The following CORO6 variants were observed in gnomAD, a reference collection of about 807,000 sequenced individuals.
CORO6 encodes the protein coronin 6.
CORO6 carries 43 observed loss-of-function variants against 49.0 expected under a neutral mutation model. The ratio of observed to expected loss-of-function variants is 0.88; its 90% CI spans 0.69 to 1.13. CORO6 has a LOEUF of 1.13. Among genes scored for constraint, CORO6 ranks in the 50% most tolerant of loss-of-function variants. CORO6 has a pLI of 0.00. For missense variants in CORO6, 650 were observed against 647.0 expected (o/e 1.00, Z -0.05); for synonymous variants, 233 against 256.5 (o/e 0.91, Z 0.88).
Position 29,616,610 on chromosome 17 carries a change from C to A in CORO6, c.1004+92G>T. ...ATCCCCCCGCCCCGCTTTTCCAAAG[C>A]ACTGCATTACTGGGGAAGCCCCGTG... On this transcript the variant is annotated intron_variant, in intron 8 of 10. Transcript: ENST00000388767. This position sits in a 1 kb window ranked among gnomAD's most constrained non-coding sequence, Gnocchi z 5.6. 1 of 1,518,666 alleles carries A rather than the reference C, an allele frequency of 6.6e-7. No homozygotes were observed. The highest frequency in any genetic ancestry group is 9.0e-7 in the Non-Finnish European group (1 of 1,111,956). 94.1% of individuals were successfully genotyped at this position (1,518,666 alleles called of 1,614,324 possible).
At position 29,622,674 on chromosome 17, in the gene CORO6, G is replaced by A. The variant is rs527482000; in HGVS notation, c.-64+14C>T. The A allele has an allele frequency of 8.4e-7, 1 of 1,194,236 alleles. No individual in the cohort carries two copies. The highest frequency in any genetic ancestry group is 1.5e-5 in the South Asian group (1 of 66,928). The allele number at this position is 1,194,236 out of a possible 1,614,324, so 74.0% of individuals were successfully genotyped here. A position where few individuals can be genotyped will look rare whatever the true frequency, so the allele number is the denominator to read the frequency against. ...GCTGGCTGCGGTGACGGCCGGGTGTGGGGGGCTGGGTACCTGGTCCTGAGC... is the reference window on the plus strand; with the variant it reads ...GCTGGCTGCGGTGACGGCCGGGTGTAGGGGGCTGGGTACCTGGTCCTGAGC... On this transcript the variant is annotated intron_variant, in intron 1 of 10. Coordinates refer to ENST00000388767, the MANE Select transcript of CORO6 (RefSeq NM_032854.4).
chr17:29,620,154 T>C (rs983847482), intron 2 of CORO6, among the ~76,000 whole-genome samples: 3 of 152,218 alleles, frequency 2.0e-5, no homozygotes, highest in Non-Finnish European at 4.4e-5. Context: ...GGTGAGATAA[T>C]AGTGTAGTGC....
intron 5 of CORO6, chr17:29,618,279 A>G: frequency 7.7e-7 from 1 of 1,302,802 alleles, no homozygotes; most frequent in Non-Finnish European, 9.7e-7. Flanking sequence ...CCCAGGTTAG[A>G]CTTGAGGCTG....
At chr17:29,617,865 G>T in intron 5 of CORO6, 2 of 681,558 alleles carry the variant, frequency 2.9e-6, no homozygotes, top group Non-Finnish European at 4.7e-6. Flanking sequence ...CCTTAAGCGC[G>T]CTCAAAGGCC....
intron 6 of CORO6, 142 bp from the exon 7 acceptor site, chr17:29,617,184 C>G: frequency 1.3e-6 from 2 of 1,541,490 alleles, no homozygotes; most frequent in Non-Finnish European, 1.7e-6. Context: ...GGCCCCTCCC[C>G]TGGGCACATC....
rs1341625647 is a variant in CORO6, at chr17:29,618,238, G to T, written c.633+552C>A. On this transcript the variant is annotated intron_variant, in intron 5 of 10. Coordinates refer to ENST00000388767, the MANE Select transcript of CORO6 (RefSeq NM_032854.4). ...ACCGCTCTCGGCGCGCTTGCTCCAC[G>T]CAGACATGCACGCGGCCCACGCACC... The T allele has an allele frequency of 2.1e-5, 28 of 1,316,484 alleles. 1 individual carries two copies. The highest frequency in any genetic ancestry group is 2.6e-5 in the Non-Finnish European group (27 of 1,035,030). 81.6% of individuals were successfully genotyped at this position (1,316,484 alleles called of 1,614,324 possible). A position where few individuals can be genotyped will look rare whatever the true frequency, so the allele number is the denominator to read the frequency against.
chr17:29,620,267 A>G (rs764065500), intron 2 of CORO6, among the ~76,000 whole-genome samples: 13 of 152,192 alleles, frequency 8.5e-5, no homozygotes, highest in Non-Finnish European at 1.3e-4. Context: ...ACTATCCCCA[A>G]ATGGGAGCTG....
chr17:29,615,659 A>C lies in CORO6; in HGVS notation c.*73T>G, dbSNP rs898307324. The stretch of plus-strand genomic sequence containing the variant: ...CCCAGCCCAAGAAGGCGGGGTCCGG[A>C]GTTCGGGACTAAAAGCCGGGGCGGG... On this transcript the variant is annotated 3_prime_UTR_variant, in exon 11 of 11. Coordinates refer to ENST00000388767, the MANE Select transcript of CORO6 (RefSeq NM_032854.4). 1.6e-5 allele frequency: 23 copies of C among 1,403,914 alleles called. No individual in the cohort carries two copies. The highest frequency in any genetic ancestry group is 2.6e-5 in the East Asian group (1 of 37,796). 87.0% of individuals were successfully genotyped at this position (1,403,914 alleles called of 1,614,324 possible).
intron 5 of CORO6, 86 bp downstream of exon 5, chr17:29,618,704 G>T: frequency 6.7e-7 from 1 of 1,496,194 alleles, no homozygotes; most frequent in Non-Finnish European, 9.0e-7. Context: ...GCCGGGACCA[G>T]GGGCTCTGAT....
chr17:29,616,034 C>T lies in CORO6; in HGVS notation c.1204G>A (p.Glu402Lys). The change falls in exon 10 of 11, where the codon GAG becomes AAG. Residue 402 changes from glutamate to lysine, a missense_variant. Transcript: ENST00000388767. The surrounding 1 kb of genome is among the most constrained non-coding windows in gnomAD (Gnocchi z 5.6). ...RDGYVPPKHRELRVTKRNILD... is the reference protein window; with the variant it reads ...RDGYVPPKHRKLRVTKRNILD... ...ATGTTGCGCTTCGTGACCCGGAGCT[C>T]GCGGTGCTTGGGGGGCACATAGCCG... 6.2e-7 allele frequency: 1 copy of T among 1,609,838 alleles called. No homozygotes were observed. The highest frequency in any genetic ancestry group is 8.5e-7 in the Non-Finnish European group (1 of 1,178,336).
In CORO6 at chr17:29,622,886, C is replaced by A; in HGVS notation, c.-262G>T. The A allele has an allele frequency of 7.8e-7, 1 of 1,282,204 alleles. No individual in the cohort carries two copies. Among genetic ancestry groups the A allele is most frequent in the Non-Finnish European group, 1.0e-6 (1 of 981,760 alleles). The allele number at this position is 1,282,204 out of a possible 1,614,324, so 79.4% of individuals were successfully genotyped here. ...GAGCCCGGCGCCGCTGCAGCCCCAG[C>A]TGCCGCTGCCATCAACCTAAGAGGG... On this transcript the variant is annotated 5_prime_UTR_variant, in exon 1 of 11. Coordinates refer to ENST00000388767, the MANE Select transcript of CORO6 (RefSeq NM_032854.4).
chr17:29,617,772 C>A (rs1690768408), intron 5 of CORO6, 153 bp from the exon 6 acceptor site: 1 of 858,820 alleles, frequency 1.2e-6, no homozygotes, highest in Non-Finnish European at 1.7e-6. Context: ...CAGCTTCCTG[C>A]GGGGCCACGT....
Position 29,621,668 on chromosome 17 carries a change from C to T in CORO6, c.-63-184G>A. On this transcript the variant is annotated intron_variant, in intron 1 of 10. Coordinates refer to ENST00000388767, the MANE Select transcript of CORO6 (RefSeq NM_032854.4). The surrounding 1 kb of genome is among the most constrained non-coding windows in gnomAD (Gnocchi z 4.2). Reference sequence around the variant, plus strand: ...AATGTAAGTGGCTAGGATTTGGGGCCTGAATTCTCCACAGAGACCCAGGCT... The same window carrying T: ...AATGTAAGTGGCTAGGATTTGGGGCTTGAATTCTCCACAGAGACCCAGGCT... The T allele has an allele frequency of 1.7e-6, 1 of 586,250 alleles. No homozygotes were observed. Among genetic ancestry groups the T allele is most frequent in the South Asian group, 2.1e-5 (1 of 47,730 alleles). 36.3% of individuals were successfully genotyped at this position (586,250 alleles called of 1,614,324 possible).
At chr17:29,620,737 C>A (rs1174206510) in intron 2 of CORO6, among the ~76,000 whole-genome samples, 1 of 152,142 alleles carries the variant, frequency 6.6e-6, no homozygotes, top group East Asian at 1.9e-4. Context: ...CCCTTTCTTT[C>A]TACTTCACTG....
chr17:29,618,999 C>T, intron 4 of CORO6, 28 bp from the exon 5 acceptor site: 1 of 1,612,776 alleles, frequency 6.2e-7, no homozygotes, highest in South Asian at 1.1e-5. Flanking sequence ...GCATGGTCAC[C>T]TGGGTCCCAC....
rs2035168060 is a variant in CORO6, at chr17:29,619,082, G to A, written c.429C>T (p.Ala143=). The change falls in exon 4 of 11, where the codon GCC becomes GCT. Residue 143 remains alanine, a synonymous_variant. Coordinates refer to ENST00000388767, the MANE Select transcript of CORO6 (RefSeq NM_032854.4). ...GACCTGCACTGAGCAGGACATTCCT[G>A]GCAGTAGGGTGCCAGGAGAGGATGC... ...RVGILSWHPT[A]RNVLLSAGGD... 1 of 1,613,464 alleles carries A rather than the reference G, an allele frequency of 6.2e-7. No individual in the cohort carries two copies. The highest frequency in any genetic ancestry group is 1.3e-5 in the African/African-American group (1 of 74,892).
At position 29,621,284 on chromosome 17, in the gene CORO6, G is replaced by A; in HGVS notation, c.138C>T (p.Phe46=). ...DSSFCAVNPK[F]LAIIVEAGGG... is the part of the protein sequence containing the mutation. ...CTCCAGCCTCCACAATAATGGCCAG[G>A]AATTTGGGGTTGACGGCACAGAAGG... is the stretch of plus-strand genomic sequence containing the variant. Residue 46 remains phenylalanine, a synonymous_variant, in exon 2 of 11, where the codon TTC becomes TTT. Transcript: ENST00000388767. The surrounding 1 kb of genome is among the most constrained non-coding windows in gnomAD (Gnocchi z 4.2). The A allele has an allele frequency of 6.2e-7, 1 of 1,614,128 alleles. No homozygotes were observed. Among genetic ancestry groups the A allele is most frequent in the Non-Finnish European group, 8.5e-7 (1 of 1,180,020 alleles).
In CORO6 at chr17:29,621,405, A is replaced by G; in HGVS notation, c.17T>C (p.Val6Ala). The stretch of plus-strand genomic sequence containing the variant: ...CACATGGCGGAACTTGCTTTGCCGA[A>G]CCACACGTCTGCTCATAGCTGCAGG... The part of the protein sequence containing the change: MSRRV[V>A]RQSKFRHVFG... Residue 6 changes from valine (V) to alanine (A), a missense_variant, in exon 2 of 11, where the codon GTT becomes GCT. Transcript: ENST00000388767. The surrounding 1 kb of genome is among the most constrained non-coding windows in gnomAD (Gnocchi z 4.2). The G allele has an allele frequency of 6.2e-7, 1 of 1,611,780 alleles. No individual in the cohort carries two copies. Among genetic ancestry groups the G allele is most frequent in the Non-Finnish European group, 8.5e-7 (1 of 1,178,900 alleles).
chr17:29,619,139 G>A lies in CORO6; in HGVS notation c.372C>T (p.Ile124=), dbSNP rs542021421. ...GCTTGGAGTGGCCCTCAAGTGTGAT[G>A]ATAGGTTCCGTAATGTTGCGCATGG... ...YTPMRNITEP[I]ITLEGHSKRV... is the part of the protein sequence containing the mutation. Residue 124 remains isoleucine (I), a synonymous_variant, in exon 4 of 11, where the codon ATC becomes ATT. Coordinates refer to ENST00000388767, the MANE Select transcript of CORO6 (RefSeq NM_032854.4). 1 of 1,613,764 alleles carries A rather than the reference G, an allele frequency of 6.2e-7. No individual in the cohort carries two copies.
Sources: gnomAD v4.1 joint callset for allele counts (sites outside exome capture counted in the v4.1 genomes callset) on GRCh38, gnomAD v4.1.1 for gene constraint, Gnocchi (gnomAD v3.1) non-coding constraint, MANE v1.5 for transcripts, NCBI Gene and HGNC (gene_info 2026-07-23, HGNC 2026-07-21) for gene names.